Variants in PSME4 observed in about 807,000 individuals in gnomAD.
PSME4 encodes the protein proteasome activator subunit 4, also known as proteasome activator complex subunit 4.
PSME4 carries 89 observed loss-of-function variants against 253.9 expected under a neutral mutation model. That is an observed-to-expected ratio of 0.35 (90% CI 0.30 to 0.42). PSME4 has a LOEUF of 0.42. Ranked by LOEUF, PSME4 falls within the 10% of genes least tolerant of loss-of-function variation. The pLI, the probability that PSME4 is intolerant of heterozygous loss-of-function variation, is 1.00. For synonymous variants in PSME4, 851 were observed against 759.2 expected (o/e 1.12, Z -1.99); for missense variants, 2,014 against 2,195.2 (o/e 0.92, Z 1.65).
chr2:53,900,583 C>T (rs538594649), intron 28 of PSME4, among the ~76,000 whole-genome samples: 84 of 152,238 alleles, frequency 5.5e-4, no homozygotes, highest in African/African-American at 1.9e-3. Flanking sequence ...AGTAGTTACA[C>T]AGCCCTGTGA....
intron 1 of PSME4, among the ~76,000 whole-genome samples, chr2:53,963,409 G>T (rs536953009): frequency 2.0e-5 from 3 of 152,020 alleles, no homozygotes; most frequent in African/African-American, 4.8e-5. Context: ...CATCCCAAAC[G>T]CCAAAACCAG....
chr2:53,953,103 GCTT>G (rs1419558515), intron 1 of PSME4, among the ~76,000 whole-genome samples: 1 of 152,184 alleles, frequency 6.6e-6, no homozygotes, highest in Non-Finnish European at 1.5e-5. Flanking sequence ...TCCTCAGAAA[GCTT>G]CTATTTCCCC....
At chr2:53,912,974 G>A (rs1448403127) in intron 20 of PSME4, among the ~76,000 whole-genome samples, 1 of 152,104 alleles carries the variant, frequency 6.6e-6, no homozygotes, top group Non-Finnish European at 1.5e-5. Context: ...TCTATATTCT[G>A]ACTAAAAGCT....
At chr2:53,894,600 A>C (rs1389737111) in intron 34 of PSME4, among the ~76,000 whole-genome samples, 1 of 152,244 alleles carries the variant, frequency 6.6e-6, no homozygotes, top group African/African-American at 2.4e-5. Flanking sequence ...AAGTAAATTA[A>C]ATGAAGTTTA....
At chr2:53,920,818 A>G (rs1215018764) in intron 18 of PSME4, 71 bp downstream of exon 18, 1 of 1,286,928 alleles carries the variant, frequency 7.8e-7, no homozygotes, top group East Asian at 2.3e-5. Context: ...TGCAAGAAAA[A>G]ATAACACTTT....
intron 27 of PSME4, among the ~76,000 whole-genome samples, chr2:53,903,574 A>G (rs777516211): frequency 6.6e-6 from 1 of 152,100 alleles, no homozygotes; most frequent in South Asian, 2.1e-4. Flanking sequence ...CAAACTTACC[A>G]TATTTCTTCC....
At chr2:53,900,591 T>C (rs558253008) in intron 28 of PSME4, among the ~76,000 whole-genome samples, 55 of 152,260 alleles carry the variant, frequency 3.6e-4, no homozygotes, top group African/African-American at 1.0e-3. Context: ...CACAGCCCTG[T>C]GAATATTCTA....
chr2:53,897,236 C>T (rs1256859911), intron 31 of PSME4, among the ~76,000 whole-genome samples: 12 of 140,914 alleles, frequency 8.5e-5, no homozygotes, highest in African/African-American at 3.1e-4. Context: ...ATGGCACAAT[C>T]TCAGCTCACT....
At position 53,901,554 on chromosome 2, in the gene PSME4, G is replaced by T; in HGVS notation, c.3081C>A (p.Ala1027=). The T allele has an allele frequency of 6.2e-7, 1 of 1,602,862 alleles. No individual in the cohort carries two copies. Among genetic ancestry groups the T allele is most frequent in the Non-Finnish European group, 8.5e-7 (1 of 1,172,134 alleles). Residue 1027 remains alanine, a synonymous_variant, in exon 28 of 47, where the codon GCC becomes GCA. Coordinates refer to ENST00000404125, the MANE Select transcript of PSME4 (RefSeq NM_014614.3). ...TGTGATTTCCAAGGAGACAGTACAA[G>T]GCACCCTGCAGAAAAAAAAATATAT... ...QGVTQQQFKG[A]LYCLLGNHSG...
chr2:53,921,603 T>C (rs1668319872), intron 17 of PSME4, among the ~76,000 whole-genome samples: 1 of 137,242 alleles, frequency 7.3e-6, no homozygotes, highest in South Asian at 2.7e-4. Context: ...GCGCGGTGGC[T>C]CACGCCTGTA....
chr2:53,908,854 AT>A lies in PSME4; in HGVS notation c.2573-15del. 1 of 1,589,288 alleles carries A rather than the reference AT, an allele frequency of 6.3e-7. No homozygotes were observed. The highest frequency in any genetic ancestry group is 8.6e-7 in the Non-Finnish European group (1 of 1,161,238). ...CTCGAGACAGATCTATTTTGAAAAA[AT>A]AAAAGAAGGTATTTTAGACACTGAA... is the stretch of plus-strand genomic sequence containing the variant. On this transcript the variant is annotated splice_polypyrimidine_tract_variant and intron_variant, in intron 21 of 46. Coordinates refer to ENST00000404125, the MANE Select transcript of PSME4 (RefSeq NM_014614.3).
chr2:53,953,827 AC>A (rs1258215363), intron 1 of PSME4, among the ~76,000 whole-genome samples: 1 of 152,178 alleles, frequency 6.6e-6, no homozygotes, highest in African/African-American at 2.4e-5. Context: ...ATAACTGAAA[AC>A]CCTGGTAAAC....
At chr2:53,970,498 T>A (rs1671015339) in intron 1 of PSME4, 45 bp downstream of exon 1, 2 of 1,547,448 alleles carry the variant, frequency 1.3e-6, no homozygotes, top group South Asian at 1.2e-5. Context: ...CACCTCTCAC[T>A]GAGCCTTTCC....
intron 18 of PSME4, 96 bp downstream of exon 18, chr2:53,920,793 T>C: frequency 9.7e-7 from 1 of 1,035,576 alleles, no homozygotes; most frequent in East Asian, 2.4e-5. Flanking sequence ...ATCTTAAAAG[T>C]AAAAAACTAA....
At chr2:53,901,317 C>A in intron 28 of PSME4, 33 bp downstream of exon 28, 2 of 1,558,538 alleles carry the variant, frequency 1.3e-6, no homozygotes, top group Non-Finnish European at 1.8e-6. Context: ...AGGATTTACA[C>A]TAAAACTTGA....
chr2:53,869,506 A>T lies in PSME4; in HGVS notation c.5133T>A (p.Gly1711=). Reference sequence around the variant, plus strand: ...TGGTAAGAAAGTTACACTGTAGCAGACCGCTTAAGGTAGTAGCAGCCATTT... The same window carrying T: ...TGGTAAGAAAGTTACACTGTAGCAGTCCGCTTAAGGTAGTAGCAGCCATTT... ...VREMAATTLS[G]LLQCNFLTMD... Residue 1711 remains glycine (G), a synonymous_variant, in exon 44 of 47, where the codon GGT becomes GGA. Coordinates refer to ENST00000404125, the MANE Select transcript of PSME4 (RefSeq NM_014614.3). The T allele has an allele frequency of 6.4e-7, 1 of 1,562,152 alleles. No homozygotes were observed. Among genetic ancestry groups the T allele is most frequent in the African/African-American group, 1.3e-5 (1 of 74,556 alleles).
rs780514381 is a variant in PSME4 at position 53,906,665 on chromosome 2, T to A, written c.2876A>T (p.Glu959Val). The change falls in exon 26 of 47, where the codon GAA (glutamate) becomes GTA (valine). Residue 959 changes from glutamate (E) to valine (V), a missense_variant. Glu to Val is a moderately radical substitution (Grantham distance 121). Coordinates refer to ENST00000404125, the MANE Select transcript of PSME4 (RefSeq NM_014614.3). ...CATATCTTGATGTATCTTTTTGTAT[T>A]CACAACCCTCAACAGTTAGTGTCCG... ...ELRTLTVEGC[E>V]YKKIHQDMIR... The A allele has an allele frequency of 4.9e-5, 78 of 1,602,842 alleles. No homozygotes were observed. The highest frequency in any genetic ancestry group is 6.5e-5 in the Non-Finnish European group (76 of 1,175,948).
intron 5 of PSME4, 63 bp from the exon 6 acceptor site, chr2:53,936,890 G>T: frequency 8.8e-7 from 1 of 1,132,990 alleles, no homozygotes; most frequent in Non-Finnish European, 1.3e-6. Context: ...TGCCAGCTAT[G>T]CTTTGTCTTT....
intron 43 of PSME4, 173 bp from the exon 44 acceptor site, chr2:53,869,711 T>G: frequency 2.2e-6 from 1 of 447,166 alleles, no homozygotes. Context: ...TCAAAGAGTT[T>G]GTGGCCTCAT....
Sources: allele counts gnomAD v4.1 joint callset (sites outside exome capture counted in the v4.1 genomes callset), GRCh38; gene constraint gnomAD v4.1.1; transcripts MANE v1.5; gene names NCBI Gene and HGNC (gene_info 2026-07-23, HGNC 2026-07-21).